The following ATP6AP2 variants were observed in gnomAD, a reference collection of about 807,000 sequenced individuals.
The protein encoded by ATP6AP2 is renin receptor.
In ATP6AP2, 1 loss-of-function variant was observed where a neutral mutation model predicts 23.4. That is an observed-to-expected ratio of 0.04 (90% CI 0.02 to 0.20). The LOEUF is 0.20. Ranked by LOEUF, ATP6AP2 falls within the 10% of genes least tolerant of loss-of-function variation. ATP6AP2 has a pLI of 1.00. For missense variants in ATP6AP2, 174 were observed against 271.3 expected (o/e 0.64, Z 2.52); for synonymous variants, 90 against 97.1 (o/e 0.93, Z 0.43).
chrX:40,597,556 A>G lies in ATP6AP2; in HGVS notation c.426A>G (p.Ser142=). ...ERVYMVGKAN[S]VFEDLSVTLR... ...TGTATATGGTAGGGAAGGCAAACTC[A>G]GTGTTTGAAGACCTTTCAGTCACCT... Residue 142 remains serine, a synonymous_variant, in exon 5 of 9, where the codon TCA becomes TCG. Coordinates refer to ENST00000636580, the MANE Select transcript of ATP6AP2 (RefSeq NM_005765.3). The G allele has an allele frequency of 8.3e-7, 1 of 1,210,805 alleles. No homozygotes were observed. The highest frequency in any genetic ancestry group is 1.1e-6 in the Non-Finnish European group (1 of 894,503).
At chrX:40,595,979 G>C (rs745697054) in intron 3 of ATP6AP2, 1 of 111,355 alleles carries the variant, frequency 9.0e-6, no homozygotes, top group Non-Finnish European at 1.9e-5. Flanking sequence ...AGGAGTTTGA[G>C]ACTAGCATGG....
intron 3 of ATP6AP2, among the ~76,000 whole-genome samples, chrX:40,595,582 A>C (rs970422897): frequency 8.9e-6 from 1 of 112,008 alleles, no homozygotes; most frequent in African/African-American, 3.2e-5. Flanking sequence ...ATGGTTCCTA[A>C]TCTTCAACTT....
Position 40,605,885 on chromosome X carries a change from T to G in ATP6AP2, c.*130T>G, listed in dbSNP as rs1306791730. ...AAAAAAAATCAAATTTTGTTCTTTA[T>G]TTTGTGTGTGCCTGTGATGTTTTTC... On this transcript the variant is annotated 3_prime_UTR_variant, in exon 9 of 9. Coordinates refer to ENST00000636580, the MANE Select transcript of ATP6AP2 (RefSeq NM_005765.3). 3.4e-6 allele frequency: 2 copies of G among 583,402 alleles called. No homozygotes were observed. Among genetic ancestry groups the G allele is most frequent in the Non-Finnish European group, 5.3e-6 (2 of 374,313 alleles). 48.1% of individuals were successfully genotyped at this position (583,402 alleles called of 1,213,427 possible). A position where few individuals can be genotyped will look rare whatever the true frequency, so the allele number is the denominator to read the frequency against.
chrX:40,599,913 T>C (rs1209439176), intron 7 of ATP6AP2, 172 bp downstream of exon 7: 3 of 507,145 alleles, frequency 5.9e-6, no homozygotes, highest in Admixed American at 3.6e-5. Context: ...TATATTGATA[T>C]ATTTCTTCCT....
chrX:40,583,572 GTC>G (rs1926383534), intron 1 of ATP6AP2, among the ~76,000 whole-genome samples: 1 of 111,431 alleles, frequency 9.0e-6, no homozygotes, highest in Non-Finnish European at 1.9e-5. Flanking sequence ...TTGCCTCAGA[GTC>G]TCTGGGCAGT....
chrX:40,604,611 A>G (rs1421947638), intron 8 of ATP6AP2, among the ~76,000 whole-genome samples: 1 of 111,042 alleles, frequency 9.0e-6, no homozygotes, highest in Non-Finnish European at 1.9e-5. Context: ...GCTTAAGAGA[A>G]TGCTTGCTTC....
At chrX:40,586,680 C>T (rs1285084678) in intron 1 of ATP6AP2, among the ~76,000 whole-genome samples, 1 of 111,830 alleles carries the variant, frequency 8.9e-6, no homozygotes, top group African/African-American at 3.3e-5. Context: ...AGGTGGTGTC[C>T]CCATCACTGG....
At chrX:40,603,048 C>T (rs1330661229) in intron 8 of ATP6AP2, among the ~76,000 whole-genome samples, 1 of 105,484 alleles carries the variant, frequency 9.5e-6, no homozygotes, top group African/African-American at 3.5e-5. Context: ...ATTCTCCTGC[C>T]TCAGCCTCCT....
intron 3 of ATP6AP2, among the ~76,000 whole-genome samples, chrX:40,594,713 A>G (rs1176850554): frequency 8.9e-6 from 1 of 112,594 alleles, no homozygotes; most frequent in Non-Finnish European, 1.9e-5. Context: ...GTTAAAAGCA[A>G]AAAAAGTCAA....
At position 40,593,773 on chromosome X, in the gene ATP6AP2, A is replaced by C. The variant is rs1365567587; in HGVS notation, c.300+2408A>C. ...TCCACCCACCTCAGCCTCCCAGTGG[A>C]TCTCAGTGCTGGGATTACAGGTGTG... On this transcript the variant is annotated intron_variant, in intron 3 of 8. Transcript: ENST00000636580. Among the ~76,000 whole-genome samples the C allele has an allele frequency of 8.1e-5, 9 of 110,925 alleles. No individual in the cohort carries two copies. The South Asian group carries it at 3.4e-3, about 42-fold the overall frequency.
At chrX:40,600,637 C>A in intron 7 of ATP6AP2, 125 bp from the exon 8 acceptor site, 1 of 769,263 alleles carries the variant, frequency 1.3e-6, no homozygotes, top group South Asian at 3.1e-5. Flanking sequence ...TAAGCCATTC[C>A]ACAATGTGTA....
intron 5 of ATP6AP2, chrX:40,598,100 A>G (rs60289609): frequency 0.02 from 3,276 of 167,210 alleles, 111 homozygotes; most frequent in African/African-American, 0.096. Flanking sequence ...GGTAACTTGG[A>G]AGCCATTGTT....
chrX:40,604,931 A>ATTTT (rs142088347), intron 8 of ATP6AP2, among the ~76,000 whole-genome samples: 6 of 78,189 alleles, frequency 7.7e-5, no homozygotes, highest in Admixed American at 1.7e-4. Flanking sequence ...TCTGTTGATG[A>ATTTT]TTTTTTTTTT....
rs200465480 is a variant in ATP6AP2 at position 40,593,248 on chromosome X, G to GA, written c.300+1894dup. 3.7e-3 allele frequency among the ~76,000 whole-genome samples: 382 copies of GA among 102,283 alleles called. 1 individual carries two copies. Among genetic ancestry groups the GA allele is most frequent in the African/African-American group, 0.013 (353 of 28,204 alleles). 88.8% of individuals were successfully genotyped at this position (102,283 alleles called of 115,157 possible). On this transcript the variant is annotated intron_variant, in intron 3 of 8. Transcript: ENST00000636580. ...GGTGACAGAGCGAGACTCCATCTGG[G>GA]AAAAAAAAAAAGGTATTTGGATCAA...
chrX:40,602,039 T>C (rs1420537013), intron 8 of ATP6AP2, among the ~76,000 whole-genome samples: 2 of 107,846 alleles, frequency 1.9e-5, no homozygotes, highest in African/African-American at 7.3e-5. Context: ...CCCAGCACTT[T>C]GGGAGGTTGA....
intron 7 of ATP6AP2, chrX:40,599,988 A>G: frequency 2.7e-6 from 1 of 363,897 alleles, no homozygotes; most frequent in Non-Finnish European, 4.8e-6. Context: ...TTATTGTGGT[A>G]AAATATATAT....
chrX:40,605,899 G>A lies in ATP6AP2; in HGVS notation c.*144G>A. On this transcript the variant is annotated 3_prime_UTR_variant, in exon 9 of 9. Coordinates refer to ENST00000636580, the MANE Select transcript of ATP6AP2 (RefSeq NM_005765.3). The stretch of plus-strand genomic sequence containing the variant: ...TTTGTTCTTTATTTTGTGTGTGCCT[G>A]TGATGTTTTTCTAGAGTGAATTATA... 1.9e-6 allele frequency: 1 copy of A among 533,680 alleles called. No homozygotes were observed. Among genetic ancestry groups the A allele is most frequent in the Non-Finnish European group, 3.0e-6 (1 of 332,977 alleles). The allele number at this position is 533,680 out of a possible 1,213,427, so 44.0% of individuals were successfully genotyped here.
chrX:40,602,843 A>G (rs4487930), intron 8 of ATP6AP2, among the ~76,000 whole-genome samples: 13,589 of 103,715 alleles, frequency 0.13, 2,020 homozygotes, highest in African/African-American at 0.39. Context: ...CAGCACAGGG[A>G]AACAGAAAGG....
rs769052156 is a variant in ATP6AP2 at position 40,589,009 on chromosome X, A to G, written c.61A>G (p.Ile21Val). Residue 21 changes from isoleucine to valine, a missense_variant, in exon 2 of 9, where the codon ATA becomes GTA. Coordinates refer to ENST00000636580, the MANE Select transcript of ATP6AP2 (RefSeq NM_005765.3). ...VAGVLGNEFSILKSPGSVVFR... is the reference protein window; with the variant it reads ...VAGVLGNEFSVLKSPGSVVFR... Reference sequence around the variant, plus strand: ...AGGTGTTTTGGGGAACGAGTTTAGTATATTAAAATCACCAGGGTCTGTTGT... The same window carrying G: ...AGGTGTTTTGGGGAACGAGTTTAGTGTATTAAAATCACCAGGGTCTGTTGT... 6 of 1,208,283 alleles carry G rather than the reference A, an allele frequency of 5.0e-6. No individual in the cohort carries two copies. In the South Asian group the frequency reaches 5.3e-5, roughly 11 times the overall value.
Sources: allele counts gnomAD v4.1 joint callset (sites outside exome capture counted in the v4.1 genomes callset), GRCh38; gene constraint gnomAD v4.1.1; transcripts MANE v1.5; gene names NCBI Gene and HGNC (gene_info 2026-07-23, HGNC 2026-07-21).